MAGI2: variants seen among roughly 807,000 people sequenced by gnomAD.
The protein encoded by MAGI2 is membrane associated guanylate kinase, WW and PDZ domain containing 2, also known as membrane-associated guanylate kinase, WW and PDZ domain-containing protein 2.
MAGI2 carries 35 observed loss-of-function variants against 133.3 expected under a neutral mutation model. The observed-to-expected ratio is 0.26, with a 90% confidence interval of 0.20 to 0.35. The LOEUF is 0.35. Ranked by LOEUF, MAGI2 falls within the 10% of genes least tolerant of loss-of-function variation. The probability of loss-of-function intolerance (pLI) is 1.00; values close to 1 mark genes in which losing one functional copy is unlikely to be tolerated. For synonymous variants in MAGI2, 729 were observed against 710.6 expected, an observed-to-expected ratio of 1.03 and a Z score of -0.41; for missense variants, 1,636 against 1,863.4, an observed-to-expected ratio of 0.88 and a Z score of 2.25.
chr7:78,655,817 T>C (rs1812186451), intron 2 of MAGI2, among the ~76,000 whole-genome samples: 1 of 151,554 alleles, frequency 6.6e-6, no homozygotes, highest in Non-Finnish European at 1.5e-5. Context: ...CTGTCTCTAC[T>C]AAAAATATAA....
At position 78,333,077 on chromosome 7, in the gene MAGI2, T is replaced by G. The variant is rs145768366; in HGVS notation, c.1408+10701A>C. On this transcript the variant is annotated intron_variant, in intron 9 of 21. Transcript: ENST00000354212. ...AAAATTATCTAACACGATGTGAGTA[T>G]GAATATTTTGCTAGATTAAAACCTT... 3.3e-5 allele frequency among the ~76,000 whole-genome samples: 5 copies of G among 152,354 alleles called. No homozygotes were observed. In the East Asian group the frequency reaches 9.6e-4, roughly 29 times the overall value.
rs561258704 is a variant in MAGI2 at position 79,207,988 on chromosome 7, A to G, written c.302-200782T>C. ...CTGGGAAAACTGGATAGCCACCTGC[A>G]GAAGAATGAAATTAGACCTTTCTCT... On this transcript the variant is annotated intron_variant, in intron 1 of 21. Coordinates refer to ENST00000354212, the MANE Select transcript of MAGI2 (RefSeq NM_012301.4). Among the ~76,000 whole-genome samples, 15 of 152,200 alleles carry G rather than the reference A, an allele frequency of 9.9e-5. 1 individual carries two copies. Among genetic ancestry groups the G allele is most frequent in the Admixed American group, 9.2e-4 (14 of 15,282 alleles).
At chr7:79,304,232 T>TGTGTGTGTGTGTGTGG (rs1186248786) in intron 1 of MAGI2, among the ~76,000 whole-genome samples, 1 of 150,648 alleles carries the variant, frequency 6.6e-6, no homozygotes, top group East Asian at 2.0e-4. Flanking sequence ...TGTGTGTGTG[T>TGTGTGTGTGTGTGTGG]AGATTTCTAG....
intron 2 of MAGI2, among the ~76,000 whole-genome samples, chr7:78,916,324 A>G (rs1392754300): frequency 2.0e-5 from 3 of 152,114 alleles, no homozygotes; most frequent in Non-Finnish European, 2.9e-5. Context: ...TTAGAACTCT[A>G]TCCCGATTGC....
rs145272381 is a variant in MAGI2 at position 79,062,173 on chromosome 7, C to G, written c.302-54967G>C. Reference sequence around the variant, plus strand: ...AACTGTACCACTCCATACTACTGGCCCATGATTAGTTATAATTTCACAGCC... The same window carrying G: ...AACTGTACCACTCCATACTACTGGCGCATGATTAGTTATAATTTCACAGCC... On this transcript the variant is annotated intron_variant, in intron 1 of 21. Transcript: ENST00000354212. Among the ~76,000 whole-genome samples the G allele has an allele frequency of 1.8e-4, 27 of 152,114 alleles. No homozygotes were observed. The East Asian group carries it at 5.0e-3, about 28-fold the overall frequency.
chr7:79,237,310 C>T (rs991179662), intron 1 of MAGI2, among the ~76,000 whole-genome samples: 15 of 152,080 alleles, frequency 9.9e-5, no homozygotes, highest in African/African-American at 2.4e-4. Context: ...CTGGCTAACA[C>T]GGTGAAACCC....
chr7:78,195,945 T>A lies in MAGI2; in HGVS notation c.2080-882A>T, dbSNP rs537838876. On this transcript the variant is annotated intron_variant, in intron 11 of 21. Transcript: ENST00000354212. ...ATTGACCGGCAGCGTATGTAAGATT[T>A]AGACTAGTTTGCCCTCCTGCTGAAA... 1.4e-4 allele frequency among the ~76,000 whole-genome samples: 21 copies of A among 152,318 alleles called. No homozygotes were observed. In the East Asian group the frequency reaches 4.1e-3, roughly 29 times the overall value.
At chr7:78,151,496 C>T (rs1290280732) in intron 16 of MAGI2, among the ~76,000 whole-genome samples, 2 of 152,078 alleles carry the variant, frequency 1.3e-5, no homozygotes, top group African/African-American at 4.8e-5. Context: ...CCTGGCCCTT[C>T]GGAGAACAAG....
chr7:78,630,571 C>T (rs1228046520), intron 2 of MAGI2, among the ~76,000 whole-genome samples: 1 of 151,798 alleles, frequency 6.6e-6, no homozygotes, highest in African/African-American at 2.4e-5. Flanking sequence ...TGTGCGCCAC[C>T]ACACCTGGCT....
intron 1 of MAGI2, among the ~76,000 whole-genome samples, chr7:79,430,652 C>T (rs1253387762): frequency 2.6e-5 from 4 of 152,158 alleles, no homozygotes; most frequent in Admixed American, 2.6e-4. Flanking sequence ...GATATGTAAC[C>T]AGCCATCTAA....
chr7:78,941,237 G>A (rs1193366656), intron 2 of MAGI2, among the ~76,000 whole-genome samples: 1 of 152,174 alleles, frequency 6.6e-6, no homozygotes, highest in East Asian at 1.9e-4. Flanking sequence ...CATCTATTGT[G>A]TCAAAGCACT....
chr7:78,723,533 C>G (rs1035066780), intron 2 of MAGI2, among the ~76,000 whole-genome samples: 9 of 151,892 alleles, frequency 5.9e-5, no homozygotes, highest in African/African-American at 2.2e-4. Context: ...TGAGGTATTT[C>G]TAGAAAAATA....
chr7:78,323,787 T>G (rs1422401502), intron 9 of MAGI2, among the ~76,000 whole-genome samples: 1 of 152,214 alleles, frequency 6.6e-6, no homozygotes, highest in East Asian at 1.9e-4. Flanking sequence ...TGAGGAGCTT[T>G]GAAACACCTT....
intron 1 of MAGI2, among the ~76,000 whole-genome samples, chr7:79,445,033 T>C (rs1410627550): frequency 6.6e-6 from 1 of 152,220 alleles, no homozygotes; most frequent in East Asian, 1.9e-4. Flanking sequence ...TCTCTGATCT[T>C]TGACAAACCT....
intron 1 of MAGI2, chr7:79,415,121 G>A (rs1029076702): frequency 6.6e-6 from 1 of 152,124 alleles, no homozygotes; most frequent in Non-Finnish European, 1.5e-5. Flanking sequence ...CAGAGAATAT[G>A]AATCCAGTTT....
At chr7:78,747,488 A>G (rs2151270278) in intron 2 of MAGI2, among the ~76,000 whole-genome samples, 1 of 152,296 alleles carries the variant, frequency 6.6e-6, no homozygotes, top group East Asian at 1.9e-4. Flanking sequence ...TCCATTAACA[A>G]GAGGTTACCA....
rs79486066 is a variant in MAGI2 at position 78,797,834 on chromosome 7, G to A, written c.419-170595C>T. ...CAAAACTAGAACCCTTAGAGAGCTG[G>A]TCTAGTCTTGCCCAAAGGGAAAGAG... is the stretch of plus-strand genomic sequence containing the variant. On this transcript the variant is annotated intron_variant, in intron 2 of 21. Transcript: ENST00000354212. 2.3e-4 allele frequency among the ~76,000 whole-genome samples: 35 copies of A among 152,224 alleles called. No individual in the cohort carries two copies. The East Asian group carries it at 6.6e-3, about 29-fold the overall frequency.
chr7:79,069,202 T>G (rs921891980), intron 1 of MAGI2, among the ~76,000 whole-genome samples: 1 of 152,158 alleles, frequency 6.6e-6, no homozygotes, highest in Non-Finnish European at 1.5e-5. Context: ...AGTGGGGTGT[T>G]AAATTCTCCT....
chr7:78,334,879 A>G (rs941388414), intron 9 of MAGI2, among the ~76,000 whole-genome samples: 2 of 152,186 alleles, frequency 1.3e-5, no homozygotes, highest in Non-Finnish European at 2.9e-5. Flanking sequence ...AGAATGCTAG[A>G]ATATGGAATG....
Sources: gnomAD v4.1 joint callset for allele counts (sites outside exome capture counted in the v4.1 genomes callset) on GRCh38, gnomAD v4.1.1 for gene constraint, MANE v1.5 for transcripts, NCBI Gene and HGNC (gene_info 2026-07-23, HGNC 2026-07-21) for gene names.